The following AFAP1 variants were observed in gnomAD, a reference collection of about 807,000 sequenced individuals.
The protein encoded by AFAP1 is actin filament-associated protein 1.
A neutral mutation model predicts 93.9 loss-of-function variants in AFAP1; 75 were observed. That is an observed-to-expected ratio of 0.80 (90% CI 0.66 to 0.97). The LOEUF (loss-of-function observed/expected upper bound fraction) is 0.97, where lower values mean the gene tolerates loss of function less well. Ranked by LOEUF, AFAP1 falls within the 50% of genes least tolerant of loss-of-function variation. AFAP1 has a pLI of 0.00. For missense variants in AFAP1, 1,201 were observed against 1,050.8 expected (o/e 1.14, Z -1.98); for synonymous variants, 517 against 430.7 (o/e 1.20, Z -2.48).
At chr4:7,921,712 A>C (rs1487709896) in intron 1 of AFAP1, among the ~76,000 whole-genome samples, 1 of 152,266 alleles carries the variant, frequency 6.6e-6, no homozygotes, top group African/African-American at 2.4e-5. Context: ...GCAAATATGC[A>C]AGAATTACAT....
At chr4:7,906,901 C>T (rs1416397912) in intron 1 of AFAP1, among the ~76,000 whole-genome samples, 3 of 151,674 alleles carry the variant, frequency 2.0e-5, no homozygotes, top group African/African-American at 7.3e-5. Context: ...ATTCGGGAGG[C>T]TGAGGAGGAA....
intron 9 of AFAP1, among the ~76,000 whole-genome samples, chr4:7,802,019 C>A (rs1719093940): frequency 6.8e-6 from 1 of 146,796 alleles, no homozygotes; most frequent in African/African-American, 2.6e-5. Flanking sequence ...ATCTTACACA[C>A]CTTATTAGCA....
chr4:7,843,335 G>C lies in AFAP1; in HGVS notation c.350C>G (p.Ala117Gly), dbSNP rs116172792. The change falls in exon 5 of 18, where the codon GCG becomes GGG. Residue 117 changes from alanine (A) to glycine (G), a missense_variant. Physicochemically the swap from Ala to Gly is moderately conservative, Grantham distance 60 (BLOSUM62 0). Transcript: ENST00000420658. The part of the protein sequence containing the change: ...EYITSNYDSD[A>G]MSSSYESYDE... ...ATACGACTCATAAGAGCTGCTCATC[G>C]CATCGGAATCATAATCTGTAAAAAA... The C allele has an allele frequency of 6.2e-7, 1 of 1,613,122 alleles. No individual in the cohort carries two copies. The highest frequency in any genetic ancestry group is 1.1e-5 in the South Asian group (1 of 90,838).
At chr4:7,869,396 T>C (rs901068005) in intron 2 of AFAP1, among the ~76,000 whole-genome samples, 2 of 152,212 alleles carry the variant, frequency 1.3e-5, no homozygotes, top group African/African-American at 4.8e-5. Context: ...GACTTACCCA[T>C]GTAGTAATAG....
At chr4:7,919,457 C>A (rs1346357550) in intron 1 of AFAP1, among the ~76,000 whole-genome samples, 1 of 152,130 alleles carries the variant, frequency 6.6e-6, no homozygotes, top group Non-Finnish European at 1.5e-5. Context: ...TTTCATTAAA[C>A]AGGTCCTACA....
At chr4:7,797,274 T>C (rs990871125) in intron 10 of AFAP1, among the ~76,000 whole-genome samples, 3 of 152,116 alleles carry the variant, frequency 2.0e-5, no homozygotes, top group Admixed American at 2.0e-4. Context: ...CTGGAACCAG[T>C]GGGTGAAATT....
rs1201378527 is a variant in AFAP1 at position 7,768,831 on chromosome 4, C to T, written c.2418+13G>A. 2 of 1,574,600 alleles carry T rather than the reference C, an allele frequency of 1.3e-6. No individual in the cohort carries two copies. Among genetic ancestry groups the T allele is most frequent in the Admixed American group, 1.7e-5 (1 of 57,706 alleles). ...CCCAGGACACCCAGACACCCCCGGA[C>T]ATCAGGGCTTACCTTGGCCTTCCGC... On this transcript the variant is annotated intron_variant, in intron 17 of 17. Coordinates refer to ENST00000420658, the MANE Select transcript of AFAP1 (RefSeq NM_001134647.2).
chr4:7,897,900 C>G (rs1056570185), intron 1 of AFAP1, among the ~76,000 whole-genome samples: 17 of 152,104 alleles, frequency 1.1e-4, no homozygotes, highest in Non-Finnish European at 1.8e-4. Flanking sequence ...TTTTGATTCC[C>G]CCTGCTATAA....
chr4:7,864,406 G>A (rs1327046659), intron 3 of AFAP1, among the ~76,000 whole-genome samples: 3 of 152,126 alleles, frequency 2.0e-5, no homozygotes, highest in African/African-American at 4.8e-5. Flanking sequence ...ATAGCGAAAC[G>A]GCCAACTAGC....
chr4:7,911,126 G>A (rs1200294867), intron 1 of AFAP1, among the ~76,000 whole-genome samples: 2 of 152,166 alleles, frequency 1.3e-5, no homozygotes, highest in African/African-American at 4.8e-5. Context: ...ATGAGCAGAT[G>A]GGTTGAGAAA....
At chr4:7,790,286 G>T (rs16841259) in intron 11 of AFAP1, among the ~76,000 whole-genome samples, 1 of 152,106 alleles carries the variant, frequency 6.6e-6, no homozygotes, top group East Asian at 1.9e-4. Context: ...CTCCTATAAA[G>T]ACTTTAACGA....
Position 7,843,259 on chromosome 4 carries a change from G to C in AFAP1, c.426C>G (p.Pro142=). 2 of 1,614,160 alleles carry C rather than the reference G, an allele frequency of 1.2e-6. No homozygotes were observed. The highest frequency in any genetic ancestry group is 1.3e-5 in the African/African-American group (1 of 75,040). ...CCAGGTCCATGGAGGCCTCCTCGGA[G>C]GGCCACTGGTGCCGGGTTTTCTTCC... ...GKGKKTRHQW[P]SEEASMDLVK... is the part of the protein sequence containing the mutation. The change falls in exon 5 of 18, where the codon CCC becomes CCG. Residue 142 remains proline, a synonymous_variant. Coordinates refer to ENST00000420658, the MANE Select transcript of AFAP1 (RefSeq NM_001134647.2).
chr4:7,861,249 C>CT, intron 3 of AFAP1, among the ~76,000 whole-genome samples: 1 of 152,292 alleles, frequency 6.6e-6, no homozygotes, highest in South Asian at 2.1e-4. Flanking sequence ...TGGCGAAACC[C>CT]TTTTCTAACT....
intron 1 of AFAP1, among the ~76,000 whole-genome samples, chr4:7,894,510 C>A (rs1455658511): frequency 6.6e-6 from 1 of 152,260 alleles, no homozygotes; most frequent in East Asian, 1.9e-4. Context: ...CTGGTGACGG[C>A]GGCAACCCCG....
intron 6 of AFAP1, among the ~76,000 whole-genome samples, chr4:7,820,076 G>A (rs1720830368): frequency 6.6e-6 from 1 of 152,218 alleles, no homozygotes; most frequent in Admixed American, 6.5e-5. Flanking sequence ...TCCATGAGAG[G>A]ACATTGCTGT....
intron 1 of AFAP1, among the ~76,000 whole-genome samples, chr4:7,889,798 A>G (rs1426843168): frequency 6.6e-6 from 1 of 150,992 alleles, no homozygotes; most frequent in African/African-American, 2.4e-5. Context: ...ATTAGGATAA[A>G]TTTAACAAAG....
intron 5 of AFAP1, among the ~76,000 whole-genome samples, chr4:7,840,267 TG>T: frequency 6.9e-6 from 1 of 144,918 alleles, no homozygotes; most frequent in East Asian, 2.0e-4. Context: ...TTGGGATGTG[TG>T]TGTGTGTGTG....
intron 6 of AFAP1, among the ~76,000 whole-genome samples, chr4:7,829,819 A>G (rs1467326014): frequency 6.6e-6 from 1 of 152,350 alleles, no homozygotes; most frequent in South Asian, 2.1e-4. Context: ...ATACATCAAA[A>G]TTATAATACG....
In AFAP1 at chr4:7,836,309, C is replaced by A. The variant is rs117846407; in HGVS notation, c.726+2215G>T. Among the ~76,000 whole-genome samples, 62 of 152,316 alleles carry A rather than the reference C, an allele frequency of 4.1e-4. No individual in the cohort carries two copies. In the East Asian group the frequency reaches 0.01, roughly 25 times the overall value. ...CACGACGCTAAATGAAAGAAGCCAG[C>A]CACGAAAGCCCAAGTACTGTAAGAG... On this transcript the variant is annotated intron_variant, in intron 6 of 17. Coordinates refer to ENST00000420658, the MANE Select transcript of AFAP1 (RefSeq NM_001134647.2).
Sources: gnomAD v4.1 joint callset for allele counts (sites outside exome capture counted in the v4.1 genomes callset) on GRCh38, gnomAD v4.1.1 for gene constraint, MANE v1.5 for transcripts, NCBI Gene and HGNC (gene_info 2026-07-23, HGNC 2026-07-21) for gene names.